Variants in COL6A2 observed in about 807,000 individuals in gnomAD.
COL6A2 encodes collagen alpha-2(VI) chain.
In COL6A2, 90 loss-of-function variants were observed where a neutral mutation model predicts 124.9. The ratio of observed to expected loss-of-function variants is 0.72; its 90% confidence interval spans 0.61 to 0.86. The LOEUF is 0.86. Among genes scored for constraint, COL6A2 ranks in the 40% least tolerant of loss-of-function variants. COL6A2 has a pLI of 0.00. For synonymous variants in COL6A2, 793 were observed against 618.2 expected (o/e 1.28, Z -4.19); for missense variants, 1,607 against 1,502.5 (o/e 1.07, Z -1.15).
At position 46,117,416 on chromosome 21, in the gene COL6A2, T is replaced by G. The variant is rs1300399438; in HGVS notation, c.1016T>G (p.Ile339Ser). ...TDGQKGKLGR[I>S]GPPGCKGDPG... is the part of the protein sequence containing the mutation. ...CTCCTTCAGGGCAAGCTGGGGCGCATCGGACCTCCTGGCTGCAAGGGAGAC... is the reference window on the plus strand; with the variant it reads ...CTCCTTCAGGGCAAGCTGGGGCGCAGCGGACCTCCTGGCTGCAAGGGAGAC... Residue 339 changes from isoleucine (I) to serine (S), a missense_variant, in exon 11 of 28, where the codon ATC becomes AGC. By Grantham distance (142) the Ile-to-Ser change is moderately radical. Coordinates refer to ENST00000300527, the MANE Select transcript of COL6A2 (RefSeq NM_001849.4). The G allele has an allele frequency of 1.2e-6, 2 of 1,612,750 alleles. No homozygotes were observed. Among genetic ancestry groups the G allele is most frequent in the South Asian group, 2.2e-5 (2 of 91,068 alleles).
intron 1 of COL6A2, among the ~76,000 whole-genome samples, chr21:46,108,289 C>A (rs889050193): frequency 1.3e-5 from 2 of 152,170 alleles, no homozygotes; most frequent in Non-Finnish European, 2.9e-5. Context: ...TGTTTGCCCC[C>A]ACCCCATTTT....
chr21:46,123,683 G>T (rs1484008258), intron 21 of COL6A2, among the ~76,000 whole-genome samples: 1 of 67,840 alleles, frequency 1.5e-5, no homozygotes, highest in Non-Finnish European at 3.3e-5. Flanking sequence ...ATGTATGGGT[G>T]AGTAGGTGGG....
intron 27 of COL6A2, among the ~76,000 whole-genome samples, chr21:46,127,989 T>C (rs2078699484): frequency 6.6e-6 from 1 of 152,234 alleles, no homozygotes; most frequent in Non-Finnish European, 1.5e-5. Context: ...CCTGATTCGC[T>C]GATGCCTGCC....
At chr21:46,129,941 T>C in intron 27 of COL6A2, 1 of 697,584 alleles carries the variant, frequency 1.4e-6, no homozygotes, top group South Asian at 6.2e-5. Context: ...GGGAGGGTGC[T>C]GCCCAGGTGC....
At position 46,132,802 on chromosome 21, in the gene COL6A2, C is replaced by T. The variant is rs1205919775; in HGVS notation, c.*250C>T. On this transcript the variant is annotated 3_prime_UTR_variant, in exon 28 of 28. Transcript: ENST00000300527. ...TCCCAAGGCTCCTGACCTACCTGGC[C>T]CCTGAGCTCTGGAGCAAGCCCTGAC... 5.2e-6 allele frequency: 3 copies of T among 577,214 alleles called. No homozygotes were observed. Among genetic ancestry groups the T allele is most frequent in the African/African-American group, 3.8e-5 (2 of 53,180 alleles). The allele number at this position is 577,214 out of a possible 1,614,324, so 35.8% of individuals were successfully genotyped here.
chr21:46,121,992 C>G, intron 18 of COL6A2, 116 bp from the exon 19 acceptor site: 1 of 1,099,546 alleles, frequency 9.1e-7, no homozygotes. Context: ...AGCCAGAACT[C>G]GACGGCACCC....
rs113828929 is a variant in COL6A2, at chr21:46,126,238, G to A, written c.2422+1G>A. On this transcript the variant is annotated splice_donor_variant, in intron 26 of 27. Transcript: ENST00000300527. LOFTEE classifies it high-confidence loss of function. ...GACATGGAGGACGTCCTCTGCCCGG[G>A]TGAGCGTGTGGGCGCGGGGCAGTCG... 1.3e-6 allele frequency: 2 copies of A among 1,598,710 alleles called. No homozygotes were observed. Among genetic ancestry groups the A allele is most frequent in the South Asian group, 2.2e-5 (2 of 91,072 alleles).
chr21:46,117,232 C>T lies in COL6A2; in HGVS notation c.1000-168C>T, dbSNP rs75988761. Among the ~76,000 whole-genome samples, 8,472 of 152,328 alleles carry T rather than the reference C, an allele frequency of 0.056. 806 individuals are homozygous for T. Among genetic ancestry groups the T allele is most frequent in the African/African-American group, 0.19 (8,063 of 41,550 alleles). ...TTCCTGCACAACGGCCACTCTGCCT[C>T]CCCGGAGACAGCTCCACAGCAGCCG... On this transcript the variant is annotated intron_variant, in intron 10 of 27. Coordinates refer to ENST00000300527, the MANE Select transcript of COL6A2 (RefSeq NM_001849.4).
intron 1 of COL6A2, among the ~76,000 whole-genome samples, chr21:46,102,705 G>T (rs961774740): frequency 1.2e-4 from 9 of 75,568 alleles, no homozygotes; most frequent in African/African-American, 2.8e-4. Flanking sequence ...TACATTGATT[G>T]ATTTTTTTTT....
intron 1 of COL6A2, among the ~76,000 whole-genome samples, chr21:46,110,941 A>G (rs749571827): frequency 1.3e-5 from 2 of 152,166 alleles, no homozygotes; most frequent in African/African-American, 4.8e-5. Flanking sequence ...CCTACACTTG[A>G]CAGAGTCCTC....
In COL6A2 at chr21:46,122,115, C is replaced by T. The variant is rs751335671; in HGVS notation, c.1529C>T (p.Pro510Leu). ...DSGQPGPKGD[P>L]GRPGFSYPGP... ...CTCAACGTCCTCCTCCAGGGAGACC[C>T]CGGCAGGCCTGGATTCAGCTACCCA... Residue 510 changes from proline to leucine, a missense_variant, in exon 19 of 28, where the codon CCC becomes CTC. Coordinates refer to ENST00000300527, the MANE Select transcript of COL6A2 (RefSeq NM_001849.4). 1 of 1,612,704 alleles carries T rather than the reference C, an allele frequency of 6.2e-7. No individual in the cohort carries two copies. Among genetic ancestry groups the T allele is most frequent in the East Asian group, 2.2e-5 (1 of 44,868 alleles).
chr21:46,124,308 A>G (rs1375495559), intron 21 of COL6A2, among the ~76,000 whole-genome samples: 5 of 149,086 alleles, frequency 3.4e-5, no homozygotes, highest in African/African-American at 1.0e-4. Context: ...CGAATGGGCG[A>G]ATGGGTGGAT....
Position 46,132,604 on chromosome 21 carries a change from G to C in COL6A2, c.*52G>C, listed in dbSNP as rs778209724. The C allele has an allele frequency of 2.0e-6, 3 of 1,513,864 alleles. No homozygotes were observed. Among genetic ancestry groups the C allele is most frequent in the Non-Finnish European group, 2.7e-6 (3 of 1,121,766 alleles). 93.8% of individuals were successfully genotyped at this position (1,513,864 alleles called of 1,614,324 possible). Reference sequence around the variant, plus strand: ...GGGTCGTGAGCCCACCCCGTCCATGGTGCTAAGCGGGCCCGGGTCCCACAC... The same window carrying C: ...GGGTCGTGAGCCCACCCCGTCCATGCTGCTAAGCGGGCCCGGGTCCCACAC... On this transcript the variant is annotated 3_prime_UTR_variant, in exon 28 of 28. Coordinates refer to ENST00000300527, the MANE Select transcript of COL6A2 (RefSeq NM_001849.4).
In COL6A2 at chr21:46,132,440, A is replaced by T. The variant is rs754518986; in HGVS notation, c.2948A>T (p.Asp983Val). 3.1e-6 allele frequency: 5 copies of T among 1,606,674 alleles called. No individual in the cohort carries two copies. The highest frequency in any genetic ancestry group is 4.5e-5 in the East Asian group (2 of 44,744). ...VLALGSDVDM[D>V]VLTTLSLGDR... is the part of the protein sequence containing the mutation. ...GCCTTGGGCAGCGACGTGGACATGG[A>T]CGTGCTCACCACGCTCAGCCTGGGT... The change falls in exon 28 of 28, where the codon GAC becomes GTC. Residue 983 changes from aspartate to valine, a missense_variant. Around this residue, in one of 3 missense-constraint regions of COL6A2, gnomAD observed 1,223 missense variants for 1,052.2 expected, o/e 1.16. Transcript: ENST00000300527.
chr21:46,101,164 C>T (rs2078284053), intron 1 of COL6A2, among the ~76,000 whole-genome samples: 1 of 152,102 alleles, frequency 6.6e-6, no homozygotes, highest in Admixed American at 6.5e-5. Context: ...TGATTAGTGA[C>T]GTTGAGCATC....
At position 46,132,361 on chromosome 21, in the gene COL6A2, C is replaced by G. The variant is rs529737273; in HGVS notation, c.2869C>G (p.Leu957Val). The change falls in exon 28 of 28, where the codon CTG becomes GTG. Residue 957 changes from leucine (L) to valine (V), a missense_variant. Physicochemically the swap from Leu to Val is conservative, Grantham distance 32. Transcript: ENST00000300527. ...GGACGGCGTCACGGGCAACGACAGT[C>G]TGCACGAGTCGGCGCACTCCATGCG... Reference protein sequence around the residue: ...LTDGVTGNDSLHESAHSMRKQ... With the variant: ...LTDGVTGNDSVHESAHSMRKQ... 1.9e-6 allele frequency: 3 copies of G among 1,609,002 alleles called. No individual in the cohort carries two copies. Among genetic ancestry groups the G allele is most frequent in the Admixed American group, 1.7e-5 (1 of 60,014 alleles).
At chr21:46,119,418 G>A (rs957910504) in intron 14 of COL6A2, among the ~76,000 whole-genome samples, 2 of 152,202 alleles carry the variant, frequency 1.3e-5, no homozygotes, top group South Asian at 2.1e-4. Context: ...ACTCCAAGGG[G>A]ACTCTGTCTG....
At position 46,131,945 on chromosome 21, in the gene COL6A2, TC is replaced by T. The variant is rs797044699; in HGVS notation, c.2462-5del. The T allele has an allele frequency of 1.0e-5, 16 of 1,591,548 alleles. No individual in the cohort carries two copies. The highest frequency in any genetic ancestry group is 1.3e-5 in the Non-Finnish European group (15 of 1,171,860). On this transcript the variant is annotated splice_region_variant and splice_polypyrimidine_tract_variant and intron_variant, in intron 27 of 27. Coordinates refer to ENST00000300527, the MANE Select transcript of COL6A2 (RefSeq NM_001849.4). ...CCTCCGCCCAGCCCGCACCTGCGTC[TC>T]CCCACAGAGCTGTCCGTGGCACAGT... is the stretch of plus-strand genomic sequence containing the variant.
rs200727166 is a variant in COL6A2, at chr21:46,125,252, C to T, written c.1771-14C>T. The T allele has an allele frequency of 1.9e-5, 31 of 1,611,294 alleles. No homozygotes were observed. The highest frequency in any genetic ancestry group is 5.5e-5 in the South Asian group (5 of 90,906). On this transcript the variant is annotated splice_polypyrimidine_tract_variant and intron_variant, in intron 23 of 27. Transcript: ENST00000300527. ...GCCCCGGGGGGACTACCCTGCCTGC[C>T]GTGTGCATTGCAGGAGTGTGACGTC...
Sources: gnomAD v4.1 joint callset for allele counts (sites outside exome capture counted in the v4.1 genomes callset) on GRCh38, gnomAD v4.1.1 for gene constraint, gnomAD v4.1.1 regional missense constraint, MANE v1.5 for transcripts, NCBI Gene and HGNC (gene_info 2026-07-23, HGNC 2026-07-21) for gene names.